ZNF487: variants seen among roughly 807,000 people sequenced by gnomAD.
The protein encoded by ZNF487 is zinc finger protein 487.
A neutral mutation model predicts 3.0 loss-of-function variants in ZNF487; 4 were observed. The ratio of observed to expected loss-of-function variants is 1.35; its 90% CI spans 0.66 to 3.08. The LOEUF (loss-of-function observed/expected upper bound fraction) is 3.08, where lower values mean the gene tolerates loss of function less well. Among genes scored for constraint, ZNF487 ranks in the 30% most tolerant of loss-of-function variants. ZNF487 has a pLI of 0.01. For synonymous variants in ZNF487, 55 were observed against 34.6 expected, an observed-to-expected ratio of 1.59 and a Z score of -2.06; for missense variants, 146 against 98.7, an observed-to-expected ratio of 1.48 and a Z score of -2.03.
chr10:43,467,818 GAAA>G (rs548891339), intron 1 of ZNF487, among the ~76,000 whole-genome samples: 3 of 124,864 alleles, frequency 2.4e-5, no homozygotes. Flanking sequence ...CTCTATCTCA[GAAA>G]AAAAAAAAAA....
At chr10:43,467,512 T>G (rs1367556715) in intron 1 of ZNF487, among the ~76,000 whole-genome samples, 1 of 152,050 alleles carries the variant, frequency 6.6e-6, no homozygotes, top group African/African-American at 2.4e-5. Context: ...CTTCAACTTT[T>G]ATTGTTTAAG....
chr10:43,489,502 G>A, the ZNF487 span, among the ~76,000 whole-genome samples: 9 of 151,924 alleles, frequency 5.9e-5, no homozygotes, highest in Admixed American at 4.6e-4. Context: ...TATAGGCGCC[G>A]GCCACCAAGC....
In ZNF487 at chr10:43,455,412, C is replaced by A. The variant is rs527437193; in HGVS notation, c.-94+18150C>A. ...CATTGGCATCGTGACTACCAACCAC[C>A]ACATCACTCAGCTGCTTTGCTTTCC... is the stretch of plus-strand genomic sequence containing the variant. On this transcript the variant is annotated intron_variant, in intron 1 of 3. Coordinates refer to ENST00000437590, the MANE Select transcript of ZNF487 (RefSeq NM_001355444.3). Among the ~76,000 whole-genome samples the A allele has an allele frequency of 1.6e-4, 25 of 152,358 alleles. 1 individual carries two copies. The highest frequency in any genetic ancestry group is 6.0e-4 in the African/African-American group (25 of 41,598).
the ZNF487 span, among the ~76,000 whole-genome samples, chr10:43,507,812 C>T: frequency 3.3e-5 from 5 of 152,190 alleles, no homozygotes; most frequent in Non-Finnish European, 2.9e-5. Flanking sequence ...GGCCATTGGG[C>T]CCCTGAACCT....
chr10:43,469,127 G>A (rs1419880269), intron 1 of ZNF487, among the ~76,000 whole-genome samples: 1 of 151,534 alleles, frequency 6.6e-6, no homozygotes, highest in African/African-American at 2.4e-5. Context: ...CATCAACATT[G>A]AGGCAAGACC....
At chr10:43,509,306 C>CT in the ZNF487 span, among the ~76,000 whole-genome samples, 12 of 65,904 alleles carry the variant, frequency 1.8e-4, no homozygotes, top group East Asian at 0.018. Flanking sequence ...TGAATAGTGC[C>CT]TCATGGTGGA....
the ZNF487 span, among the ~76,000 whole-genome samples, chr10:43,515,285 T>A: frequency 2.6e-5 from 4 of 152,188 alleles, no homozygotes; most frequent in Non-Finnish European, 5.9e-5. Context: ...GTTATAGGTC[T>A]AGAAGCAAAC....
chr10:43,448,571 AT>A (rs1264452495), intron 1 of ZNF487, among the ~76,000 whole-genome samples: 1 of 150,468 alleles, frequency 6.6e-6, no homozygotes, highest in African/African-American at 2.4e-5. Flanking sequence ...ATCCCAGCAC[AT>A]TGGGAGGCCG....
At chr10:43,466,920 T>C (rs1840726904) in intron 1 of ZNF487, among the ~76,000 whole-genome samples, 2 of 151,760 alleles carry the variant, frequency 1.3e-5, no homozygotes, top group Non-Finnish European at 1.5e-5. Flanking sequence ...CCAGGCTGGA[T>C]TGCAATGGCG....
chr10:43,438,106 T>C (rs1035602695), intron 1 of ZNF487, among the ~76,000 whole-genome samples: 1 of 152,204 alleles, frequency 6.6e-6, no homozygotes, highest in African/African-American at 2.4e-5. Flanking sequence ...CATTTTGCAC[T>C]AATTCCTTTT....
the ZNF487 span, among the ~76,000 whole-genome samples, chr10:43,491,573 C>T: frequency 6.6e-6 from 1 of 151,698 alleles, no homozygotes; most frequent in South Asian, 2.1e-4. Flanking sequence ...TCCACAGACA[C>T]TTCGAGCACA....
At chr10:43,470,268 A>G (rs1564424394) in intron 1 of ZNF487, among the ~76,000 whole-genome samples, 1 of 152,086 alleles carries the variant, frequency 6.6e-6, no homozygotes, top group Non-Finnish European at 1.5e-5. Flanking sequence ...GCTGGAGTGC[A>G]GTGGTGCCAT....
chr10:43,483,946 G>A (rs112524504), downstream of ZNF487, among the ~76,000 whole-genome samples: 4 of 152,264 alleles, frequency 2.6e-5, 1 homozygote, highest in African/African-American at 9.6e-5. Context: ...CCGCCTCCCT[G>A]CAACCTCCAT....
In ZNF487 at chr10:43,462,689, C is replaced by T. The variant is rs187338979; in HGVS notation, c.-93-13032C>T. Among the ~76,000 whole-genome samples, 48 of 151,660 alleles carry T rather than the reference C, an allele frequency of 3.2e-4. No individual in the cohort carries two copies. In the East Asian group the frequency reaches 7.8e-3, roughly 25 times the overall value. ...CAGGATGGTCACGATCTCTTGACCT[C>T]GTGATCCACCTGCCTCAGCTTCTTG... is the stretch of plus-strand genomic sequence containing the variant. On this transcript the variant is annotated intron_variant, in intron 1 of 3. Coordinates refer to ENST00000437590, the MANE Select transcript of ZNF487 (RefSeq NM_001355444.3).
upstream of ZNF487, chr10:43,437,054 G>C: frequency 3.1e-6 from 1 of 321,918 alleles, no homozygotes; most frequent in Admixed American, 4.3e-5. Flanking sequence ...CGCAGGGAGC[G>C]CTGGACTGGC....
chr10:43,508,198 G>A, the ZNF487 span, among the ~76,000 whole-genome samples: 1 of 152,208 alleles, frequency 6.6e-6, no homozygotes, highest in African/African-American at 2.4e-5. Context: ...TGCCTTGCAG[G>A]GAAGGAGGAG....
chr10:43,498,114 CTTTTTTT>C, the ZNF487 span, among the ~76,000 whole-genome samples: 1 of 24,616 alleles, frequency 4.1e-5, no homozygotes, highest in Non-Finnish European at 6.5e-5. Flanking sequence ...TTTTTTTTTT[CTTTTTTT>C]TTTTTTTTTT....
chr10:43,493,709 A>AATATATATATATAT, the ZNF487 span, among the ~76,000 whole-genome samples: 10 of 43,618 alleles, frequency 2.3e-4, no homozygotes, highest in African/African-American at 6.1e-4. Flanking sequence ...AAAAAAAAAA[A>AATATATATATATAT]ATATATATAT....
intron 1 of ZNF487, among the ~76,000 whole-genome samples, chr10:43,447,956 G>A (rs188754665): frequency 7.5e-6 from 1 of 133,128 alleles, no homozygotes; most frequent in African/African-American, 2.8e-5. Context: ...ATTACTCTCT[G>A]TTTTCTGATG....
Sources: allele counts gnomAD v4.1 joint callset (sites outside exome capture counted in the v4.1 genomes callset), GRCh38; gene constraint gnomAD v4.1.1; transcripts MANE v1.5; gene names NCBI Gene and HGNC (gene_info 2026-07-23, HGNC 2026-07-21).